Variants in TBC1D5 observed in about 807,000 individuals in gnomAD.
TBC1D5 encodes TBC1 domain family member 5, also known as TBC1 domain family, member 5.
Under a neutral mutation model 100.3 loss-of-function variants are expected in TBC1D5, and 75 were observed. The observed-to-expected ratio is 0.75, with a 90% CI of 0.62 to 0.91. TBC1D5 has a LOEUF of 0.91. TBC1D5 is among the 40% of genes least tolerant of loss of function. The probability of loss-of-function intolerance (pLI) is 0.00; values close to 1 mark genes in which losing one functional copy is unlikely to be tolerated. For missense variants in TBC1D5, 910 were observed against 942.4 expected, an observed-to-expected ratio of 0.97 and a Z score of 0.45; for synonymous variants, 323 against 325.6, an observed-to-expected ratio of 0.99 and a Z score of 0.09.
chr3:17,224,766 C>T lies in TBC1D5; in HGVS notation c.1589-10396G>A, dbSNP rs755837042. Among the ~76,000 whole-genome samples the T allele has an allele frequency of 2.6e-4, 39 of 152,148 alleles. 1 individual carries two copies. Among genetic ancestry groups the T allele is most frequent in the Admixed American group, 2.6e-3 (39 of 15,274 alleles). ...TAAACATCCAGAAAGAATTTGAAAG[C>T]ATTTGTTCCCTTGAGGGGCAACAAC... On this transcript the variant is annotated intron_variant, in intron 17 of 21. Transcript: ENST00000253692.
At chr3:17,299,477 G>C (rs1367569963) in intron 14 of TBC1D5, among the ~76,000 whole-genome samples, 2 of 152,068 alleles carry the variant, frequency 1.3e-5, no homozygotes, top group African/African-American at 4.8e-5. Flanking sequence ...TTATACATTG[G>C]TCCAAACACA....
intron 1 of TBC1D5, among the ~76,000 whole-genome samples, chr3:17,638,213 G>A (rs534977420): frequency 9.2e-5 from 14 of 152,014 alleles, no homozygotes; most frequent in Non-Finnish European, 1.9e-4. Flanking sequence ...TAATTCAATT[G>A]ATTATAGTAT....
intron 1 of TBC1D5, among the ~76,000 whole-genome samples, chr3:17,728,076 C>T (rs1017909381): frequency 6.6e-6 from 1 of 152,120 alleles, no homozygotes. Context: ...CATTTGATAA[C>T]AGTCAACATC....
At chr3:17,348,644 G>T (rs935886553) in intron 13 of TBC1D5, among the ~76,000 whole-genome samples, 10 of 151,952 alleles carry the variant, frequency 6.6e-5, no homozygotes, top group Non-Finnish European at 1.0e-4. Context: ...CAATCTACTG[G>T]CCACAGTAGT....
At chr3:17,285,361 C>T (rs1380328780) in intron 15 of TBC1D5, among the ~76,000 whole-genome samples, 3 of 148,018 alleles carry the variant, frequency 2.0e-5, no homozygotes, top group African/African-American at 2.5e-5. Flanking sequence ...CCCGGGTTCA[C>T]GGCATTCTCC....
At chr3:17,689,362 A>ACC (rs1372252360) in intron 1 of TBC1D5, among the ~76,000 whole-genome samples, 1 of 151,914 alleles carries the variant, frequency 6.6e-6, no homozygotes, top group Non-Finnish European at 1.5e-5. Context: ...ACATGGCGAA[A>ACC]CCCCGTCTAT....
intron 1 of TBC1D5, among the ~76,000 whole-genome samples, chr3:17,730,436 C>T (rs1185431408): frequency 6.6e-6 from 1 of 152,164 alleles, no homozygotes; most frequent in Non-Finnish European, 1.5e-5. Context: ...TCTTAGAGCA[C>T]TCCTTCTTAG....
intron 1 of TBC1D5, among the ~76,000 whole-genome samples, chr3:17,727,826 C>A (rs919999602): frequency 4.6e-5 from 7 of 152,066 alleles, no homozygotes; most frequent in African/African-American, 1.4e-4. Context: ...TTAAACTTCA[C>A]AAAGAGAACA....
chr3:17,190,688 C>CAG (rs1336870217), intron 18 of TBC1D5, among the ~76,000 whole-genome samples: 1 of 152,190 alleles, frequency 6.6e-6, no homozygotes, highest in East Asian at 1.9e-4. Context: ...ATACAGGCTG[C>CAG]AGTGGTGTTT....
At chr3:17,644,653 T>C (rs1429881173) in intron 1 of TBC1D5, among the ~76,000 whole-genome samples, 1 of 152,162 alleles carries the variant, frequency 6.6e-6, no homozygotes, top group African/African-American at 2.4e-5. Flanking sequence ...GATATTAAAA[T>C]GACTCAGAAT....
rs978914554 is a variant in TBC1D5 at position 17,299,407 on chromosome 3, T to TAA, written c.1139-7408_1139-7407dup. Among the ~76,000 whole-genome samples, 2 of 152,308 alleles carry TAA rather than the reference T, an allele frequency of 1.3e-5. 1 individual carries two copies. Among genetic ancestry groups the TAA allele is most frequent in the South Asian group, 4.1e-4 (2 of 4,826 alleles). On this transcript the variant is annotated intron_variant, in intron 14 of 21. Coordinates refer to ENST00000253692, the Ensembl canonical transcript of TBC1D5. Reference sequence around the variant, plus strand: ...TCAGATAACTGAAATTGTGGAAACTTAAACTGCAGATAAGGAGGGACTGCT... The same window carrying TAA: ...TCAGATAACTGAAATTGTGGAAACTTAAAAACTGCAGATAAGGAGGGACTGCT...
At chr3:17,189,015 C>G (rs1430889035) in intron 18 of TBC1D5, among the ~76,000 whole-genome samples, 2 of 152,188 alleles carry the variant, frequency 1.3e-5, no homozygotes, top group South Asian at 4.1e-4. Flanking sequence ...GAAATAGACA[C>G]AGCTGGGTTC....
chr3:17,439,685 A>T (rs1231699351), intron 3 of TBC1D5, among the ~76,000 whole-genome samples: 1 of 152,176 alleles, frequency 6.6e-6, no homozygotes. Context: ...TTCAAAGAAA[A>T]GAATTCTAAA....
At chr3:17,281,109 A>C (rs775439972) in intron 15 of TBC1D5, among the ~76,000 whole-genome samples, 8 of 152,220 alleles carry the variant, frequency 5.3e-5, no homozygotes, top group Non-Finnish European at 8.8e-5. Flanking sequence ...CCACCCGTGA[A>C]GGGGTCAGGG....
intron 2 of TBC1D5, among the ~76,000 whole-genome samples, chr3:17,523,969 G>T (rs1326466109): frequency 2.0e-5 from 3 of 152,094 alleles, no homozygotes; most frequent in Admixed American, 6.6e-5. Flanking sequence ...CTTTTTAGGG[G>T]TGCAATGATT....
At chr3:17,473,892 T>A (rs2095409191) in intron 3 of TBC1D5, among the ~76,000 whole-genome samples, 1 of 151,956 alleles carries the variant, frequency 6.6e-6, no homozygotes, top group South Asian at 2.1e-4. Context: ...TACTTTACTT[T>A]TTTTTTTTGC....
At chr3:17,274,895 C>A (rs1366126339) in intron 15 of TBC1D5, among the ~76,000 whole-genome samples, 1 of 152,132 alleles carries the variant, frequency 6.6e-6, no homozygotes, top group Non-Finnish European at 1.5e-5. Context: ...TTTAGTGAAA[C>A]AGAGCTTTCA....
At chr3:17,543,830 T>TTCAATAGA (rs1017808706) in intron 2 of TBC1D5, among the ~76,000 whole-genome samples, 1 of 152,084 alleles carries the variant, frequency 6.6e-6, no homozygotes, top group African/African-American at 2.4e-5. Flanking sequence ...GAATTTCTGA[T>TTCAATAGA]TCAATAGAGC....
chr3:17,468,152 G>A (rs1420919208), intron 3 of TBC1D5, among the ~76,000 whole-genome samples: 1 of 152,226 alleles, frequency 6.6e-6, no homozygotes, highest in Non-Finnish European at 1.5e-5. Context: ...AGCCAACCAG[G>A]ATCTAGTGTA....
Sources: allele counts gnomAD v4.1 joint callset (sites outside exome capture counted in the v4.1 genomes callset), GRCh38; gene constraint gnomAD v4.1.1; transcripts MANE v1.5; gene names NCBI Gene and HGNC (gene_info 2026-07-23, HGNC 2026-07-21).